The following MYT1L variants were observed in gnomAD, a reference collection of about 807,000 sequenced individuals.
The protein encoded by MYT1L is myelin transcription factor 1-like protein.
A neutral mutation model predicts 126.7 loss-of-function variants in MYT1L; 12 were observed. The observed-to-expected ratio is 0.09, with a 90% CI of 0.06 to 0.15. The LOEUF is 0.15. MYT1L is among the 10% of genes least tolerant of loss of function. The probability of loss-of-function intolerance (pLI) is 1.00; values close to 1 mark genes in which losing one functional copy is unlikely to be tolerated. For missense variants in MYT1L, 979 were observed against 1,585.2 expected, an observed-to-expected ratio of 0.62 and a Z score of 6.49; for synonymous variants, 541 against 604.2, an observed-to-expected ratio of 0.90 and a Z score of 1.53.
chr2:2,069,543 T>A (rs930057246), intron 3 of MYT1L, among the ~76,000 whole-genome samples: 3 of 152,172 alleles, frequency 2.0e-5, no homozygotes, highest in Non-Finnish European at 4.4e-5. Context: ...GGTGTGCATG[T>A]GTCTTTATAG....
At chr2:2,298,666 A>G (rs765850432) in intron 1 of MYT1L, among the ~76,000 whole-genome samples, 1 of 152,182 alleles carries the variant, frequency 6.6e-6, no homozygotes, top group Non-Finnish European at 1.5e-5. Context: ...TCAGGGGAAC[A>G]TGAGCTTCCA....
At chr2:1,885,111 G>A (rs987208406) in intron 18 of MYT1L, 1 of 152,276 alleles carries the variant, frequency 6.6e-6, no homozygotes, top group African/African-American at 2.4e-5. Context: ...AACTGGAGAT[G>A]TGCCAATCTT....
intron 14 of MYT1L, among the ~76,000 whole-genome samples, chr2:1,896,940 T>G (rs921720709): frequency 6.6e-6 from 1 of 152,186 alleles, no homozygotes; most frequent in African/African-American, 2.4e-5. Context: ...AATGTAGATG[T>G]GACGATGCAT....
chr2:2,036,496 C>T (rs1357185462), intron 4 of MYT1L, among the ~76,000 whole-genome samples: 1 of 152,098 alleles, frequency 6.6e-6, no homozygotes, highest in Non-Finnish European at 1.5e-5. Flanking sequence ...CTCGTAACTT[C>T]TCCCCACAAT....
intron 3 of MYT1L, among the ~76,000 whole-genome samples, chr2:2,129,195 G>C (rs533948203): frequency 6.6e-6 from 1 of 152,120 alleles, no homozygotes; most frequent in African/African-American, 2.4e-5. Flanking sequence ...GAAGGTGGTC[G>C]GGAAGAAGTT....
rs147556136 is a variant in MYT1L at position 1,795,999 on chromosome 2, T to C, written c.3277-3535A>G. ...GGGGCCTGACATTGAAAGCTAAGAC[T>C]AAGCTAAGAATGGCGTTTGCATTTT... On this transcript the variant is annotated intron_variant, in intron 23 of 24. Coordinates refer to ENST00000647738, the MANE Select transcript of MYT1L (RefSeq NM_001303052.2). Among the ~76,000 whole-genome samples the C allele has an allele frequency of 6.1e-3, 929 of 152,284 alleles. 4 individuals carry two copies. Among genetic ancestry groups the C allele is most frequent in the Middle Eastern group, 0.017 (5 of 294 alleles).
intron 2 of MYT1L, among the ~76,000 whole-genome samples, chr2:2,235,003 T>C (rs544190068): frequency 6.6e-6 from 1 of 152,288 alleles, no homozygotes; most frequent in African/African-American, 2.4e-5. Context: ...TTTTTCACTT[T>C]CCCTTTCTTT....
At chr2:2,231,303 T>C (rs1168191920) in intron 2 of MYT1L, among the ~76,000 whole-genome samples, 4 of 152,238 alleles carry the variant, frequency 2.6e-5, no homozygotes, top group African/African-American at 9.6e-5. Context: ...TGTCTGTCTG[T>C]CATTTGCTAA....
intron 4 of MYT1L, among the ~76,000 whole-genome samples, chr2:2,004,912 GTTCTTTCCTGCAGGCA>G (rs1558704325): frequency 1.0e-4 from 14 of 135,954 alleles, no homozygotes; most frequent in African/African-American, 3.3e-4. Flanking sequence ...TCCTGCATGC[GTTCTTTCCTGCAGGCA>G]TTCTTTCCTG....
At chr2:1,839,725 G>A (rs1187639551) in intron 20 of MYT1L, among the ~76,000 whole-genome samples, 1 of 152,222 alleles carries the variant, frequency 6.6e-6, no homozygotes, top group African/African-American at 2.4e-5. Flanking sequence ...ACAGAACCAT[G>A]GCTTTTCAGG....
chr2:1,837,581 G>A (rs2041080478), intron 21 of MYT1L, among the ~76,000 whole-genome samples: 2 of 152,110 alleles, frequency 1.3e-5, no homozygotes, highest in Non-Finnish European at 2.9e-5. Context: ...GGACGTTCAC[G>A]CGGAGTTCTT....
At chr2:2,012,834 C>T (rs2063967004) in intron 4 of MYT1L, among the ~76,000 whole-genome samples, 2 of 152,168 alleles carry the variant, frequency 1.3e-5, no homozygotes, top group Non-Finnish European at 2.9e-5. Context: ...GTGTTGTATG[C>T]AGGGTGCCTC....
chr2:2,088,365 G>A (rs894133787), intron 3 of MYT1L, among the ~76,000 whole-genome samples: 1 of 152,222 alleles, frequency 6.6e-6, no homozygotes, highest in African/African-American at 2.4e-5. Context: ...GAGGAATTCA[G>A]TGAGGATTCC....
In MYT1L at chr2:1,792,376, G is replaced by A. The variant is rs2032277458; in HGVS notation, c.3365C>T (p.Ala1122Val). ...GTGGATCAGAGACTGGCTCAGGTTC[G>A]CCAGCTCGTGGAGGAGAGACTCGTT... ...QQNESLLHEL[A>V]NLSQSLIHSL... Residue 1122 changes from alanine (A) to valine (V), a missense_variant, in exon 24 of 25, where the codon GCG becomes GTG. Ala to Val is a moderately conservative substitution (Grantham distance 64). Around this residue, in one of 12 missense-constraint regions of MYT1L, gnomAD observed 179 missense variants for 398.6 expected, o/e 0.45. Transcript: ENST00000647738. 1.2e-6 allele frequency: 2 copies of A among 1,610,440 alleles called. No homozygotes were observed. Among genetic ancestry groups the A allele is most frequent in the Non-Finnish European group, 1.7e-6 (2 of 1,178,498 alleles).
chr2:1,853,906 T>C (rs1321687137), intron 18 of MYT1L, among the ~76,000 whole-genome samples: 1 of 152,216 alleles, frequency 6.6e-6, no homozygotes, highest in Non-Finnish European at 1.5e-5. Flanking sequence ...TTTTTATGTG[T>C]TTAAATGTCA....
At chr2:1,821,540 T>C (rs532605705) in intron 21 of MYT1L, among the ~76,000 whole-genome samples, 1 of 152,360 alleles carries the variant, frequency 6.6e-6, no homozygotes, top group East Asian at 1.9e-4. Flanking sequence ...ATTGCTCCTC[T>C]TTCCAGAAAT....
intron 2 of MYT1L, among the ~76,000 whole-genome samples, chr2:2,268,046 G>T (rs1254754688): frequency 6.6e-6 from 1 of 152,112 alleles, no homozygotes; most frequent in Non-Finnish European, 1.5e-5. Context: ...TAGCAGATGG[G>T]AATTCCAAAA....
intron 3 of MYT1L, among the ~76,000 whole-genome samples, chr2:2,090,231 T>A (rs1198127319): frequency 6.6e-6 from 1 of 152,198 alleles, no homozygotes; most frequent in African/African-American, 2.4e-5. Context: ...TTATGTGTGT[T>A]TCTGTTTAAA....
At chr2:1,985,488 G>A (rs1161954889) in intron 5 of MYT1L, among the ~76,000 whole-genome samples, 2 of 152,056 alleles carry the variant, frequency 1.3e-5, no homozygotes, top group Non-Finnish European at 2.9e-5. Flanking sequence ...ATACCTCCAC[G>A]TCTCAATTCT....
Sources: allele counts gnomAD v4.1 joint callset (sites outside exome capture counted in the v4.1 genomes callset), GRCh38; gene constraint gnomAD v4.1.1; regional missense constraint gnomAD v4.1.1; transcripts MANE v1.5; gene names NCBI Gene and HGNC (gene_info 2026-07-23, HGNC 2026-07-21).